Variants in DNAH11 observed in about 807,000 individuals in gnomAD.
DNAH11 encodes axonemal beta dynein heavy chain 11.
In DNAH11, 442 loss-of-function variants were observed where a neutral mutation model predicts 526.0. That is an observed-to-expected ratio of 0.84 (90% CI 0.78 to 0.91). The LOEUF is 0.91. DNAH11 is among the 40% of genes least tolerant of loss of function. The probability of loss-of-function intolerance (pLI) is 0.00; values close to 1 mark genes in which losing one functional copy is unlikely to be tolerated. For synonymous variants in DNAH11, 2,461 were observed against 1,935.9 expected (o/e 1.27, Z -7.12); for missense variants, 6,989 against 5,448.7 (o/e 1.28, Z -8.90).
At chr7:21,570,343 C>G in intron 7 of DNAH11, 44 bp downstream of exon 7, 1 of 1,496,300 alleles carries the variant, frequency 6.7e-7, no homozygotes, top group Non-Finnish European at 9.1e-7. Flanking sequence ...AAGGTGGGTG[C>G]AAAAAGCCAG....
intron 14 of DNAH11, among the ~76,000 whole-genome samples, chr7:21,597,210 CA>C (rs1784893937): frequency 6.6e-6 from 1 of 152,056 alleles, no homozygotes; most frequent in Non-Finnish European, 1.5e-5. Flanking sequence ...GCTGAAGATA[CA>C]GCATTTCTCA....
chr7:21,711,905 T>C (rs376699000), intron 42 of DNAH11, 45 bp downstream of exon 42: 1 of 1,556,074 alleles, frequency 6.4e-7, no homozygotes, highest in Admixed American at 1.9e-5. Context: ...GTATGTAACA[T>C]AACATTTACC....
chr7:21,875,397 T>G (rs1333289835), intron 74 of DNAH11, among the ~76,000 whole-genome samples: 1 of 152,234 alleles, frequency 6.6e-6, no homozygotes, highest in Non-Finnish European at 1.5e-5. Flanking sequence ...CCAATTATCC[T>G]TCAGCTTTTT....
intron 67 of DNAH11, among the ~76,000 whole-genome samples, chr7:21,853,394 A>G (rs9648278): frequency 0.52 from 78,659 of 152,112 alleles, 22,203 homozygotes; most frequent in Non-Finnish European, 0.65. Context: ...GGAATCCCAA[A>G]TTACTCTGTC....
At chr7:21,733,932 T>C (rs1387138900) in intron 45 of DNAH11, among the ~76,000 whole-genome samples, 2 of 152,140 alleles carry the variant, frequency 1.3e-5, no homozygotes, top group African/African-American at 2.4e-5. Context: ...CAGTTCTAGT[T>C]TGACTGGAAT....
intron 80 of DNAH11, 145 bp from the exon 81 acceptor site, chr7:21,899,835 C>G: frequency 1.0e-6 from 1 of 972,732 alleles, no homozygotes; most frequent in Non-Finnish European, 1.5e-6. Flanking sequence ...AGTTGGCCAA[C>G]CCCCTGCTCC....
At chr7:21,888,855 C>A (rs1223485050) in intron 76 of DNAH11, among the ~76,000 whole-genome samples, 1 of 152,140 alleles carries the variant, frequency 6.6e-6, no homozygotes, top group Non-Finnish European at 1.5e-5. Flanking sequence ...GAGCATGATT[C>A]TATCGATTCT....
At chr7:21,877,834 T>C (rs141959364) in intron 74 of DNAH11, among the ~76,000 whole-genome samples, 2,550 of 121,494 alleles carry the variant, frequency 0.021, 38 homozygotes, top group Middle Eastern at 0.14. Context: ...GAGATCGCGC[T>C]ACTGCACTCC....
intron 23 of DNAH11, 79 bp downstream of exon 23, chr7:21,617,856 A>C: frequency 7.1e-7 from 1 of 1,407,330 alleles, no homozygotes. Context: ...TCTGAGATGA[A>C]GTGTAATTTA....
At chr7:21,740,996 C>G (rs369009201) in intron 48 of DNAH11, among the ~76,000 whole-genome samples, 1 of 152,190 alleles carries the variant, frequency 6.6e-6, no homozygotes, top group African/African-American at 2.4e-5. Context: ...TTTTTATGTG[C>G]TTATTGTTCA....
At position 21,635,984 on chromosome 7, in the gene DNAH11, A is replaced by G; in HGVS notation, c.4614A>G (p.Glu1538=). ...IADLVIFTWM[E]VQRTWSHLES... ...ACTTGGTCATCTTCACTTGGATGGAAGTCCAGCGAACTTGGTCTCACCTGG... is the reference window on the plus strand; with the variant it reads ...ACTTGGTCATCTTCACTTGGATGGAGGTCCAGCGAACTTGGTCTCACCTGG... Residue 1538 remains glutamate, a synonymous_variant, in exon 26 of 82, where the codon GAA becomes GAG. Coordinates refer to ENST00000409508, the MANE Select transcript of DNAH11 (RefSeq NM_001277115.2). The G allele has an allele frequency of 1.2e-6, 2 of 1,613,740 alleles. No homozygotes were observed. The highest frequency in any genetic ancestry group is 1.7e-6 in the Non-Finnish European group (2 of 1,179,772).
chr7:21,838,716 CTATTTATTTATT>C (rs34468017), intron 65 of DNAH11, among the ~76,000 whole-genome samples: 46 of 148,990 alleles, frequency 3.1e-4, no homozygotes, highest in Admixed American at 1.5e-3. Context: ...GATTTTTAAA[CTATTTATTTATT>C]TATTTATTTA....
rs1783282975 is a variant in DNAH11, at chr7:21,866,461, A to G, written c.11497-9A>G. ...CACCATTCCTACTTGTTTCCCTATC[A>G]TATTACAGGCAATTGCCGTCATGGA... is the stretch of plus-strand genomic sequence containing the variant. On this transcript the variant is annotated splice_polypyrimidine_tract_variant and intron_variant, in intron 70 of 81. Coordinates refer to ENST00000409508, the MANE Select transcript of DNAH11 (RefSeq NM_001277115.2). 6.2e-7 allele frequency: 1 copy of G among 1,605,364 alleles called. No homozygotes were observed. The highest frequency in any genetic ancestry group is 8.5e-7 in the Non-Finnish European group (1 of 1,176,560).
chr7:21,710,626 C>A lies in DNAH11; in HGVS notation c.6757C>A (p.Pro2253Thr). 1.2e-6 allele frequency: 2 copies of A among 1,613,220 alleles called. No individual in the cohort carries two copies. The highest frequency in any genetic ancestry group is 1.7e-6 in the Non-Finnish European group (2 of 1,179,562). The change falls in exon 41 of 82, where the codon CCA becomes ACA. Residue 2253 changes from proline to threonine, a missense_variant. Pro to Thr is a conservative substitution (Grantham distance 38, BLOSUM62 -1). Coordinates refer to ENST00000409508, the MANE Select transcript of DNAH11 (RefSeq NM_001277115.2). The part of the protein sequence containing the change: ...REQANLKHDG[P>T]KWIVLDGDID... The stretch of plus-strand genomic sequence containing the variant: ...ACAAGCAAATCTTAAGCATGATGGA[C>A]CAAAATGGATAGTCCTGGATGGCGA...
intron 2 of DNAH11, among the ~76,000 whole-genome samples, chr7:21,557,246 A>T (rs953995685): frequency 6.6e-6 from 1 of 152,094 alleles, no homozygotes; most frequent in Admixed American, 6.5e-5. Context: ...TCAAACTGGC[A>T]GTTTCCTACA....
chr7:21,616,992 T>A (rs1346161935), intron 22 of DNAH11, among the ~76,000 whole-genome samples: 3 of 152,186 alleles, frequency 2.0e-5, no homozygotes, highest in Non-Finnish European at 4.4e-5. Flanking sequence ...ATTATGCCAG[T>A]CCCAAAGACC....
intron 20 of DNAH11, 21 bp from the exon 21 acceptor site, chr7:21,615,093 G>A: frequency 6.3e-7 from 1 of 1,585,868 alleles, no homozygotes; most frequent in Admixed American, 1.8e-5. Context: ...TTGTATGCAG[G>A]TGTTTATGTT....
chr7:21,699,837 T>C (rs1455272821), intron 36 of DNAH11, among the ~76,000 whole-genome samples: 1 of 152,132 alleles, frequency 6.6e-6, no homozygotes, highest in Non-Finnish European at 1.5e-5. Flanking sequence ...CTAGTATAAC[T>C]AATAATGTGC....
intron 14 of DNAH11, among the ~76,000 whole-genome samples, chr7:21,599,049 C>G (rs192405269): frequency 6.6e-6 from 1 of 152,132 alleles, no homozygotes; most frequent in Non-Finnish European, 1.5e-5. Context: ...AATGAACATA[C>G]ATGTGTGTGT....
Sources: allele counts gnomAD v4.1 joint callset (sites outside exome capture counted in the v4.1 genomes callset), GRCh38; gene constraint gnomAD v4.1.1; transcripts MANE v1.5; gene names NCBI Gene and HGNC (gene_info 2026-07-23, HGNC 2026-07-21).